TOMM20: variants seen among roughly 807,000 people sequenced by gnomAD.
TOMM20 encodes mitochondrial import receptor subunit TOM20 homolog.
TOMM20 carries 10 observed loss-of-function variants against 22.1 expected under a neutral mutation model. The ratio of observed to expected loss-of-function variants is 0.45; its 90% CI spans 0.28 to 0.77. The LOEUF (loss-of-function observed/expected upper bound fraction) is 0.77, where lower values mean the gene tolerates loss of function less well. Ranked by LOEUF, TOMM20 falls within the 30% of genes least tolerant of loss-of-function variation. The probability of loss-of-function intolerance (pLI) is 0.13; values close to 1 mark genes in which losing one functional copy is unlikely to be tolerated. For synonymous variants in TOMM20, 55 were observed against 61.4 expected (o/e 0.90, Z 0.49); for missense variants, 121 against 172.2 (o/e 0.70, Z 1.66).
chr1:235,115,978 C>T (rs1048761168), intron 3 of TOMM20, among the ~76,000 whole-genome samples: 2 of 152,226 alleles, frequency 1.3e-5, no homozygotes, highest in Admixed American at 1.3e-4. Flanking sequence ...GAAACCAGTG[C>T]AAATGCCAAT....
In TOMM20 at chr1:235,112,124, A is replaced by T. The variant is rs555583735; in HGVS notation, c.394-16T>A. 3.9e-4 allele frequency: 620 copies of T among 1,593,398 alleles called. 8 individuals carry two copies. The South Asian group carries it at 6.7e-3, about 17-fold the overall frequency. ...TTACAATTCTCTGAAAGAAAAAAAA[A>T]ATAATTTTTTAAAGTGTCATAAGCA... is the stretch of plus-strand genomic sequence containing the variant. On this transcript the variant is annotated splice_polypyrimidine_tract_variant and intron_variant, in intron 4 of 4. Coordinates refer to ENST00000366607, the MANE Select transcript of TOMM20 (RefSeq NM_014765.3).
intron 3 of TOMM20, among the ~76,000 whole-genome samples, chr1:235,116,979 C>CA (rs1202830867): frequency 7.4e-5 from 11 of 149,002 alleles, no homozygotes; most frequent in African/African-American, 2.2e-4. Flanking sequence ...ACTAAAAATA[C>CA]AAAAAACTAG....
chr1:235,125,980 T>A (rs1379284416), intron 1 of TOMM20, among the ~76,000 whole-genome samples: 2 of 151,378 alleles, frequency 1.3e-5, no homozygotes, highest in Admixed American at 6.6e-5. Context: ...CTGGTCTCGA[T>A]CTCCTGACCT....
intron 3 of TOMM20, among the ~76,000 whole-genome samples, chr1:235,118,481 T>C (rs1188651055): frequency 6.6e-6 from 1 of 152,170 alleles, no homozygotes; most frequent in African/African-American, 2.4e-5. Context: ...CTTGGAAATG[T>C]TTCCTGACTG....
intron 2 of TOMM20, among the ~76,000 whole-genome samples, chr1:235,120,283 T>C (rs1380280637): frequency 6.6e-6 from 1 of 152,224 alleles, no homozygotes; most frequent in Non-Finnish European, 1.5e-5. Flanking sequence ...TTTGTTTTTT[T>C]GTTTTTTGAG....
intron 2 of TOMM20, among the ~76,000 whole-genome samples, chr1:235,121,637 T>C (rs1458409162): frequency 6.6e-6 from 1 of 152,198 alleles, no homozygotes; most frequent in Non-Finnish European, 1.5e-5. Context: ...AAAGAACCAC[T>C]AATGATCCAG....
rs1660992110 is a variant in TOMM20, at chr1:235,125,299, C to T, written c.122-2927G>A. ...GCGTCATCTCGGCTCACTGTAAGCT[C>T]CGCCTCCCGAGTTCACGCCATTCTC... On this transcript the variant is annotated intron_variant, in intron 1 of 4. Coordinates refer to ENST00000366607, the MANE Select transcript of TOMM20 (RefSeq NM_014765.3). Among the ~76,000 whole-genome samples, 4 of 152,290 alleles carry T rather than the reference C, an allele frequency of 2.6e-5. No homozygotes were observed. The South Asian group carries it at 8.3e-4, about 32-fold the overall frequency.
chr1:235,124,002 C>A (rs190744176), intron 1 of TOMM20, among the ~76,000 whole-genome samples: 91 of 152,302 alleles, frequency 6.0e-4, no homozygotes, highest in African/African-American at 2.0e-3. Flanking sequence ...ATGCTACATG[C>A]GAGACACTGT....
intron 1 of TOMM20, among the ~76,000 whole-genome samples, chr1:235,123,891 T>C (rs931681258): frequency 1.4e-4 from 22 of 152,192 alleles, no homozygotes; most frequent in Non-Finnish European, 5.9e-5. Flanking sequence ...CACTGGAACC[T>C]GTACTGGAGG....
chr1:235,125,291 T>C (rs192630951), intron 1 of TOMM20, among the ~76,000 whole-genome samples: 6 of 152,222 alleles, frequency 3.9e-5, no homozygotes, highest in Non-Finnish European at 8.8e-5. Flanking sequence ...CTCGGCTCAC[T>C]GTAAGCTCCG....
chr1:235,118,145 A>C (rs1413654501), intron 3 of TOMM20, among the ~76,000 whole-genome samples: 1 of 151,954 alleles, frequency 6.6e-6, no homozygotes, highest in African/African-American at 2.4e-5. Context: ...ACAATGCTGA[A>C]GATACACTGA....
At chr1:235,122,823 A>G (rs1027551903) in intron 1 of TOMM20, among the ~76,000 whole-genome samples, 1 of 152,232 alleles carries the variant, frequency 6.6e-6, no homozygotes. Context: ...AGTGTACAGG[A>G]GGCATATGAT....
chr1:235,120,275 T>G (rs1429148617), intron 2 of TOMM20, among the ~76,000 whole-genome samples: 1 of 152,234 alleles, frequency 6.6e-6, no homozygotes, highest in Non-Finnish European at 1.5e-5. Context: ...TTGTTGTTTT[T>G]GTTTTTTTGT....
chr1:235,112,716 T>C (rs1428314120), intron 4 of TOMM20, among the ~76,000 whole-genome samples: 1 of 152,168 alleles, frequency 6.6e-6, no homozygotes, highest in African/African-American at 2.4e-5. Flanking sequence ...AGAACACTGA[T>C]AATTGAGTGA....
In TOMM20 at chr1:235,110,506, A is replaced by C. The variant is rs1660721859; in HGVS notation, c.*1558T>G. On this transcript the variant is annotated 3_prime_UTR_variant, in exon 5 of 5. Transcript: ENST00000366607. ...AAAAAAGCCCTCCTGTGTAACAAAA[A>C]AGCACTGTTTAAGGGTTCAGGATCA... is the stretch of plus-strand genomic sequence containing the variant. 6.6e-6 allele frequency: 1 copy of C among 152,192 alleles called. No individual in the cohort carries two copies. Among genetic ancestry groups the C allele is most frequent in the Non-Finnish European group, 1.5e-5 (1 of 68,082 alleles). 9.4% of individuals were successfully genotyped at this position (152,192 alleles called of 1,614,324 possible). A position where few individuals can be genotyped will look rare whatever the true frequency, so the allele number is the denominator to read the frequency against.
At chr1:235,118,236 G>A (rs745808099) in intron 3 of TOMM20, among the ~76,000 whole-genome samples, 15 of 152,326 alleles carry the variant, frequency 9.8e-5, no homozygotes, top group Middle Eastern at 3.4e-3. Context: ...TTTGCTGACT[G>A]GATAGCCAGA....
chr1:235,109,872 G>GT lies in TOMM20; in HGVS notation c.*2191dup, dbSNP rs1284334636. 6.6e-6 allele frequency: 1 copy of GT among 152,128 alleles called. No homozygotes were observed. Among genetic ancestry groups the GT allele is most frequent in the Non-Finnish European group, 1.5e-5 (1 of 68,012 alleles). 9.4% of individuals were successfully genotyped at this position (152,128 alleles called of 1,614,324 possible). A position where few individuals can be genotyped will look rare whatever the true frequency, so the allele number is the denominator to read the frequency against. On this transcript the variant is annotated 3_prime_UTR_variant, in exon 5 of 5. Transcript: ENST00000366607. Reference sequence around the variant, plus strand: ...GTGTATTAGTTCACTGAGATCTGGGGTTTTTTTGTTCTCACCTGCTGAGCA... The same window carrying GT: ...GTGTATTAGTTCACTGAGATCTGGGGTTTTTTTTGTTCTCACCTGCTGAGCA...
intron 2 of TOMM20, 33 bp from the exon 3 acceptor site, chr1:235,119,932 A>T (rs1660901621): frequency 4.1e-6 from 6 of 1,446,240 alleles, no homozygotes; most frequent in Non-Finnish European, 5.8e-6. Flanking sequence ...ATGACACCAC[A>T]ATTATGCCAG....
intron 1 of TOMM20, among the ~76,000 whole-genome samples, chr1:235,125,264 G>A (rs1330430140): frequency 6.6e-6 from 1 of 152,136 alleles, no homozygotes; most frequent in East Asian, 1.9e-4. Flanking sequence ...GCCCAGGCGG[G>A]AGTGCAGCAG....
Sources: allele counts gnomAD v4.1 joint callset (sites outside exome capture counted in the v4.1 genomes callset), GRCh38; gene constraint gnomAD v4.1.1; transcripts MANE v1.5; gene names NCBI Gene and HGNC (gene_info 2026-07-23, HGNC 2026-07-21).